Variants in ARHGAP26 observed in about 807,000 individuals in gnomAD.
ARHGAP26 encodes rho GTPase-activating protein 26.
Under a neutral mutation model 104.8 loss-of-function variants are expected in ARHGAP26, and 38 were observed. The observed-to-expected ratio is 0.36, with a 90% CI of 0.28 to 0.48. The LOEUF is 0.48. Among genes scored for constraint, ARHGAP26 ranks in the 20% least tolerant of loss-of-function variants. ARHGAP26 has a pLI of 0.99. For synonymous variants in ARHGAP26, 341 were observed against 340.0 expected, an observed-to-expected ratio of 1.00 and a Z score of -0.03; for missense variants, 704 against 947.9, an observed-to-expected ratio of 0.74 and a Z score of 3.38.
intron 1 of ARHGAP26, chr5:142,868,050 T>C (rs1288279020): frequency 6.6e-6 from 1 of 152,226 alleles, no homozygotes; most frequent in Non-Finnish European, 1.5e-5. Flanking sequence ...CCTTATAGAA[T>C]GTACTAGTTG....
intron 11 of ARHGAP26, among the ~76,000 whole-genome samples, chr5:143,001,670 A>T (rs1470116854): frequency 6.6e-6 from 1 of 152,196 alleles, no homozygotes; most frequent in African/African-American, 2.4e-5. Flanking sequence ...TCTGCCTGTG[A>T]TGGAGGTGGG....
intron 18 of ARHGAP26, 116 bp downstream of exon 18, chr5:143,121,263 C>T (rs10045199): frequency 0.11 from 121,107 of 1,070,512 alleles, 12,868 homozygotes; most frequent in African/African-American, 0.49. Context: ...ACTGTCATGA[C>T]GATGAAGTTG....
At chr5:143,101,222 T>G (rs1793186455) in intron 17 of ARHGAP26, among the ~76,000 whole-genome samples, 1 of 152,256 alleles carries the variant, frequency 6.6e-6, no homozygotes, top group East Asian at 1.9e-4. Context: ...TAGGAAGGAA[T>G]GAGAATGAGT....
chr5:142,825,446 A>G (rs1220382662), intron 1 of ARHGAP26, among the ~76,000 whole-genome samples: 1 of 152,028 alleles, frequency 6.6e-6, no homozygotes, highest in Non-Finnish European at 1.5e-5. Flanking sequence ...TGGAGATGAG[A>G]AGGAGGAGCC....
At chr5:142,934,726 A>G (rs993867434) in intron 11 of ARHGAP26, among the ~76,000 whole-genome samples, 1 of 145,908 alleles carries the variant, frequency 6.9e-6, no homozygotes, top group Non-Finnish European at 1.5e-5. Flanking sequence ...TTATACTTCT[A>G]TCTCAGTTGT....
In ARHGAP26 at chr5:142,936,173, AG is replaced by A. The variant is rs993807967; in HGVS notation, c.1107+4049del. On this transcript the variant is annotated intron_variant, in intron 11 of 22. Coordinates refer to ENST00000645722, the MANE Select transcript of ARHGAP26 (RefSeq NM_001135608.3). ...CCTTCTATAATTAGTAGGTGAGTTC[AG>A]CAAGGTCACAGGATACAAGATAGAC... Among the ~76,000 whole-genome samples the A allele has an allele frequency of 5.9e-5, 9 of 151,610 alleles. No homozygotes were observed. In the East Asian group the frequency reaches 1.5e-3, roughly 26 times the overall value.
At chr5:142,927,325 C>G (rs1383816056) in intron 10 of ARHGAP26, among the ~76,000 whole-genome samples, 12 of 125,588 alleles carry the variant, frequency 9.6e-5, no homozygotes, top group African/African-American at 3.7e-4. Flanking sequence ...GCCCATATCT[C>G]TTTTCAAAAA....
chr5:143,016,100 A>G (rs997202913), intron 12 of ARHGAP26, among the ~76,000 whole-genome samples: 11 of 152,246 alleles, frequency 7.2e-5, no homozygotes, highest in African/African-American at 2.7e-4. Flanking sequence ...GGAGTAATAC[A>G]CAGCCTTTAG....
chr5:143,072,310 G>T (rs899059135), intron 17 of ARHGAP26, among the ~76,000 whole-genome samples: 1 of 152,170 alleles, frequency 6.6e-6, no homozygotes, highest in East Asian at 1.9e-4. Flanking sequence ...TGGTGGGAAT[G>T]TTTTCCATAG....
intron 20 of ARHGAP26, among the ~76,000 whole-genome samples, chr5:143,162,491 T>C (rs1801390941): frequency 6.6e-6 from 1 of 151,958 alleles, no homozygotes; most frequent in South Asian, 2.1e-4. Context: ...GCTAATCCAA[T>C]AGAGACAAGA....
chr5:142,843,060 T>G (rs1771121530), intron 1 of ARHGAP26, among the ~76,000 whole-genome samples: 2 of 152,222 alleles, frequency 1.3e-5, no homozygotes, highest in African/African-American at 4.8e-5. Context: ...GAGGTGGACC[T>G]ACCCCGCCTT....
At chr5:142,804,688 C>T (rs1762659153) in intron 1 of ARHGAP26, among the ~76,000 whole-genome samples, 1 of 152,056 alleles carries the variant, frequency 6.6e-6, no homozygotes. Flanking sequence ...GACGGGGTTT[C>T]ACCATGTTGC....
intron 22 of ARHGAP26, among the ~76,000 whole-genome samples, chr5:143,217,769 C>T (rs558738195): frequency 9.8e-4 from 150 of 152,338 alleles, no homozygotes; most frequent in African/African-American, 3.2e-3. Context: ...CTCACCTGGG[C>T]GCTTCCACTG....
intron 5 of ARHGAP26, among the ~76,000 whole-genome samples, chr5:142,886,599 A>C (rs961140144): frequency 6.6e-6 from 1 of 152,234 alleles, no homozygotes. Context: ...GAAAATACTA[A>C]TTTATCCTTG....
At chr5:143,044,776 C>A (rs1423551086) in intron 14 of ARHGAP26, among the ~76,000 whole-genome samples, 1 of 152,138 alleles carries the variant, frequency 6.6e-6, no homozygotes, top group Non-Finnish European at 1.5e-5. Context: ...CAATTTGGAG[C>A]ATGTGTTTGA....
chr5:142,807,067 AC>A (rs2151993553), intron 1 of ARHGAP26, among the ~76,000 whole-genome samples: 1 of 152,358 alleles, frequency 6.6e-6, no homozygotes, highest in East Asian at 1.9e-4. Context: ...CCTACAGTAC[AC>A]ATAGCCACAT....
rs569247483 is a variant in ARHGAP26, at chr5:143,116,432, A to C, written c.1539-4556A>C. On this transcript the variant is annotated intron_variant, in intron 17 of 22. Transcript: ENST00000645722. Reference sequence around the variant, plus strand: ...TTTTCAACATAACACTCTAGGCCTCAAGATGAAACTTATCTCCAAACCCTA... The same window carrying C: ...TTTTCAACATAACACTCTAGGCCTCCAGATGAAACTTATCTCCAAACCCTA... Among the ~76,000 whole-genome samples the C allele has an allele frequency of 9.3e-4, 141 of 152,306 alleles. 1 individual carries two copies. Among genetic ancestry groups the C allele is most frequent in the Admixed American group, 1.2e-3 (19 of 15,298 alleles).
intron 20 of ARHGAP26, among the ~76,000 whole-genome samples, chr5:143,195,766 CCTT>C (rs1010844431): frequency 2.6e-5 from 4 of 151,910 alleles, no homozygotes; most frequent in African/African-American, 9.7e-5. Context: ...TATTAAACAT[CCTT>C]CTTCTATGGA....
chr5:142,989,631 G>A (rs1345713809), intron 11 of ARHGAP26, among the ~76,000 whole-genome samples: 1 of 152,170 alleles, frequency 6.6e-6, no homozygotes, highest in African/African-American at 2.4e-5. Context: ...TCCTTCAGGA[G>A]CTCTTGTAGG....
Sources: allele counts gnomAD v4.1 joint callset (sites outside exome capture counted in the v4.1 genomes callset), GRCh38; gene constraint gnomAD v4.1.1; transcripts MANE v1.5; gene names NCBI Gene and HGNC (gene_info 2026-07-23, HGNC 2026-07-21).